SOAT1: variants seen among roughly 807,000 people sequenced by gnomAD.
The protein encoded by SOAT1 is sterol O-acyltransferase 1.
Under a neutral mutation model 69.5 loss-of-function variants are expected in SOAT1, and 55 were observed. The ratio of observed to expected loss-of-function variants is 0.79; its 90% confidence interval spans 0.64 to 0.99. SOAT1 has a LOEUF of 0.99. Ranked by LOEUF, SOAT1 falls within the 50% of genes least tolerant of loss-of-function variation. The pLI is 0.00. For missense variants in SOAT1, 580 were observed against 669.3 expected (o/e 0.87, Z 1.47); for synonymous variants, 231 against 224.7 (o/e 1.03, Z -0.25).
intron 15 of SOAT1, among the ~76,000 whole-genome samples, chr1:179,352,138 T>G (rs1300947452): frequency 6.6e-6 from 1 of 152,006 alleles, no homozygotes; most frequent in Non-Finnish European, 1.5e-5. Flanking sequence ...TGGGCAACAC[T>G]GAGATCCTTC....
intron 1 of SOAT1, among the ~76,000 whole-genome samples, chr1:179,297,010 C>T (rs1664672069): frequency 6.6e-6 from 1 of 151,850 alleles, no homozygotes; most frequent in African/African-American, 2.4e-5. Context: ...AGCTTTGTTA[C>T]CTGGGGGGGA....
At chr1:179,318,338 G>A (rs1286479786) in intron 2 of SOAT1, among the ~76,000 whole-genome samples, 3 of 152,082 alleles carry the variant, frequency 2.0e-5, no homozygotes, top group Non-Finnish European at 4.4e-5. Context: ...ATAAAGCTCA[G>A]TATGCACCAT....
Position 179,353,862 on chromosome 1 carries a change from TG to T in SOAT1, c.*227del, listed in dbSNP as rs1022474048. On this transcript the variant is annotated 3_prime_UTR_variant, in exon 16 of 16. Coordinates refer to ENST00000367619, the MANE Select transcript of SOAT1 (RefSeq NM_003101.6). ...GCAGAACTTTTTTTGTGGGGCTGGG[TG>T]GGGGGAGAAGACCGACTAACAGCTG... 94 of 521,180 alleles carry T rather than the reference TG, an allele frequency of 1.8e-4. No homozygotes were observed. The Middle Eastern group carries it at 2.2e-3, about 12-fold the overall frequency. 32.3% of individuals were successfully genotyped at this position (521,180 alleles called of 1,614,324 possible).
At chr1:179,344,880 G>C in intron 10 of SOAT1, 67 bp from the exon 11 acceptor site, 1 of 1,511,110 alleles carries the variant, frequency 6.6e-7, no homozygotes, top group Non-Finnish European at 9.2e-7. Flanking sequence ...TTCTTTTGGA[G>C]AGAAAAAAAT....
At position 179,298,738 on chromosome 1, in the gene SOAT1, A is replaced by G. The variant is rs118109437; in HGVS notation, c.-8-3939A>G. Among the ~76,000 whole-genome samples the G allele has an allele frequency of 8.8e-3, 1,337 of 152,326 alleles. 45 individuals are homozygous for G. Among genetic ancestry groups the G allele is most frequent in the Admixed American group, 0.058 (892 of 15,288 alleles). ...TATTGAACACAGACTATTTTACAAT[A>G]AAGTGTTCATTATCTCATGTAATTT... is the stretch of plus-strand genomic sequence containing the variant. On this transcript the variant is annotated intron_variant, in intron 1 of 15. Coordinates refer to ENST00000367619, the MANE Select transcript of SOAT1 (RefSeq NM_003101.6).
chr1:179,351,021 CTTTTT>C (rs201449849), intron 14 of SOAT1, among the ~76,000 whole-genome samples: 7 of 127,550 alleles, frequency 5.5e-5, no homozygotes, highest in Admixed American at 1.6e-4. Context: ...ATATTTCTTT[CTTTTT>C]TTTTTTTTTT....
intron 13 of SOAT1, among the ~76,000 whole-genome samples, chr1:179,349,346 T>TA (rs57282322): frequency 6.8e-5 from 10 of 146,596 alleles, no homozygotes; most frequent in African/African-American, 1.8e-4. Flanking sequence ...TTTTTTTTTT[T>TA]GAGAGAGTTT....
intron 2 of SOAT1, among the ~76,000 whole-genome samples, chr1:179,307,491 C>G (rs890986864): frequency 3.3e-5 from 5 of 152,136 alleles, no homozygotes; most frequent in African/African-American, 1.2e-4. Flanking sequence ...CATCTATAGT[C>G]TGAGCTGCTT....
chr1:179,353,713 G>T lies in SOAT1; in HGVS notation c.*72G>T. 4 of 1,266,828 alleles carry T rather than the reference G, an allele frequency of 3.2e-6. No homozygotes were observed. In the Admixed American group the frequency reaches 7.0e-5, roughly 22 times the overall value. 78.5% of individuals were successfully genotyped at this position (1,266,828 alleles called of 1,614,324 possible). ...CCTGATTTGGAGCCAGCTGTTTCCA[G>T]TTGTTACTGAAGTTATCTGTGTTAT... On this transcript the variant is annotated 3_prime_UTR_variant, in exon 16 of 16. Coordinates refer to ENST00000367619, the MANE Select transcript of SOAT1 (RefSeq NM_003101.6).
intron 13 of SOAT1, among the ~76,000 whole-genome samples, 200 bp downstream of exon 13, chr1:179,349,142 C>G (rs879310215): frequency 3.9e-5 from 6 of 152,108 alleles, no homozygotes; most frequent in African/African-American, 1.2e-4. Context: ...TGTGTGTACA[C>G]TAGTAGGTCT....
At position 179,337,899 on chromosome 1, in the gene SOAT1, G is replaced by T; in HGVS notation, c.389+3G>T. On this transcript the variant is annotated splice_donor_region_variant and intron_variant, in intron 5 of 15. Coordinates refer to ENST00000367619, the MANE Select transcript of SOAT1 (RefSeq NM_003101.6). Reference sequence around the variant, plus strand: ...ATTGCAAGGCGCTCTCTCTTAGAGTGAGTATTTTTAGTTGTTTTTAAATAT... The same window carrying T: ...ATTGCAAGGCGCTCTCTCTTAGAGTTAGTATTTTTAGTTGTTTTTAAATAT... 6.3e-7 allele frequency: 1 copy of T among 1,588,318 alleles called. No homozygotes were observed. The highest frequency in any genetic ancestry group is 1.2e-5 in the South Asian group (1 of 86,746).
intron 1 of SOAT1, among the ~76,000 whole-genome samples, chr1:179,295,157 T>C (rs186026043): frequency 6.6e-6 from 1 of 152,322 alleles, no homozygotes; most frequent in East Asian, 1.9e-4. Context: ...GCACACTCTA[T>C]CTCTGGTTCA....
At chr1:179,333,612 G>A (rs1220622661) in intron 3 of SOAT1, among the ~76,000 whole-genome samples, 4 of 151,972 alleles carry the variant, frequency 2.6e-5, no homozygotes, top group East Asian at 1.9e-4. Flanking sequence ...AGGCCGAGGC[G>A]GGCGAATCAC....
intron 2 of SOAT1, among the ~76,000 whole-genome samples, chr1:179,318,801 G>C (rs1665488169): frequency 6.6e-6 from 1 of 151,982 alleles, no homozygotes; most frequent in East Asian, 1.9e-4. Context: ...TATTTCTTTT[G>C]GTTTATTGTT....
chr1:179,328,813 G>A (rs904443116), intron 3 of SOAT1, among the ~76,000 whole-genome samples: 4 of 152,090 alleles, frequency 2.6e-5, no homozygotes, highest in Non-Finnish European at 4.4e-5. Context: ...GGAGGCCAAG[G>A]TAGGCAGATC....
At chr1:179,321,288 G>A (rs1326575815) in intron 2 of SOAT1, among the ~76,000 whole-genome samples, 3 of 151,838 alleles carry the variant, frequency 2.0e-5, no homozygotes, top group Non-Finnish European at 4.4e-5. Flanking sequence ...TTTATTCTTG[G>A]CACGTTGGCA....
At chr1:179,303,009 A>T (rs1179919885) in intron 2 of SOAT1, among the ~76,000 whole-genome samples, 1 of 152,202 alleles carries the variant, frequency 6.6e-6, no homozygotes, top group Non-Finnish European at 1.5e-5. Context: ...TGTGTTTTAG[A>T]GACCATTCAT....
At chr1:179,327,899 G>C (rs1665844619) in intron 3 of SOAT1, among the ~76,000 whole-genome samples, 1 of 152,124 alleles carries the variant, frequency 6.6e-6, no homozygotes, top group Non-Finnish European at 1.5e-5. Context: ...TAACATGCTT[G>C]TTAAAAAAGG....
rs557119084 is a variant in SOAT1, at chr1:179,324,444, GTCC to G, written c.177+954_177+956del. Among the ~76,000 whole-genome samples the G allele has an allele frequency of 3.1e-3, 469 of 152,272 alleles. 2 individuals carry two copies. Among genetic ancestry groups the G allele is most frequent in the African/African-American group, 0.011 (444 of 41,558 alleles). ...TGCTTAACATTAAGAGATCTACCCT[GTCC>G]TCCTTCCATCATCCTGTAGGCATAT... On this transcript the variant is annotated intron_variant, in intron 3 of 15. Transcript: ENST00000367619.
Sources: gnomAD v4.1 joint callset for allele counts (sites outside exome capture counted in the v4.1 genomes callset) on GRCh38, gnomAD v4.1.1 for gene constraint, MANE v1.5 for transcripts, NCBI Gene and HGNC (gene_info 2026-07-23, HGNC 2026-07-21) for gene names.